CDKN2B-AS1: variants seen among roughly 807,000 people sequenced by gnomAD.
CDKN2B-AS1 encodes the protein CDKN2B antisense RNA 1 (non-protein coding).
intron 4 of CDKN2B-AS1, among the ~76,000 whole-genome samples, chr9:22,117,041 G>C (rs1399788946): frequency 1.3e-5 from 2 of 152,118 alleles, no homozygotes; most frequent in Non-Finnish European, 2.9e-5. Flanking sequence ...TTCTAATAAT[G>C]AACAAAAAGC....
chr9:22,106,552 T>C (rs1345048813), intron 4 of CDKN2B-AS1, among the ~76,000 whole-genome samples: 1 of 152,164 alleles, frequency 6.6e-6, no homozygotes, highest in East Asian at 1.9e-4. Flanking sequence ...GCTTTCTTAT[T>C]TGTAAAATGA....
At chr9:22,085,079 T>C (rs1824822916) in intron 4 of CDKN2B-AS1, among the ~76,000 whole-genome samples, 1 of 152,204 alleles carries the variant, frequency 6.6e-6, no homozygotes, top group Non-Finnish European at 1.5e-5. Context: ...GGTAACATTC[T>C]CATAGCTTTG....
intron 4 of CDKN2B-AS1, among the ~76,000 whole-genome samples, chr9:22,104,800 A>G (rs1825604016): frequency 6.6e-6 from 1 of 152,194 alleles, no homozygotes. Flanking sequence ...TTTAGAGGAG[A>G]AAATGGAAGA....
At chr9:22,016,151 T>C (rs1189196130) in intron 1 of CDKN2B-AS1, among the ~76,000 whole-genome samples, 1 of 152,194 alleles carries the variant, frequency 6.6e-6, no homozygotes, top group African/African-American at 2.4e-5. Context: ...TTTGGTGTTT[T>C]AGACATGAAG....
chr9:22,094,662 G>A lies in CDKN2B-AS1; in HGVS notation n.439-32441G>A, dbSNP rs201294680. Among the ~76,000 whole-genome samples, 3 of 144,264 alleles carry A rather than the reference G, an allele frequency of 2.1e-5. 1 individual carries two copies. Among genetic ancestry groups the A allele is most frequent in the African/African-American group, 5.8e-5 (2 of 34,582 alleles). The allele number at this position is 144,264 out of a possible 152,430, so 94.6% of individuals were successfully genotyped here. On this transcript the variant is annotated intron_variant and non_coding_transcript_variant, in intron 4 of 4. Transcript: ENST00000650946. ...TTCTCGTGCCTTGGTTTTCAGCTCCGTCAGGTCCTTTAAAGACTTCTCTGC... is the reference window on the plus strand; with the variant it reads ...TTCTCGTGCCTTGGTTTTCAGCTCCATCAGGTCCTTTAAAGACTTCTCTGC...
At chr9:22,079,412 C>T (rs932271685) in intron 4 of CDKN2B-AS1, among the ~76,000 whole-genome samples, 1 of 150,688 alleles carries the variant, frequency 6.6e-6, no homozygotes, top group Non-Finnish European at 1.5e-5. Flanking sequence ...TGCTTGAATG[C>T]AGGAAGTGGA....
intron 4 of CDKN2B-AS1, among the ~76,000 whole-genome samples, chr9:22,079,381 G>A (rs1486289073): frequency 2.0e-5 from 3 of 152,034 alleles, no homozygotes; most frequent in South Asian, 2.1e-4. Flanking sequence ...CCGGCTACTC[G>A]GGAGGCTGAG....
At chr9:22,026,595 G>A (rs613312) in intron 1 of CDKN2B-AS1, among the ~76,000 whole-genome samples, 42,397 of 152,184 alleles carry the variant, frequency 0.28, 7,671 homozygotes, top group Non-Finnish European at 0.41. Context: ...CCTGTGAGGC[G>A]CTGTGGAAGT....
intron 4 of CDKN2B-AS1, among the ~76,000 whole-genome samples, chr9:22,124,483 C>A (rs144148319): frequency 6.6e-6 from 1 of 152,120 alleles, no homozygotes; most frequent in Non-Finnish European, 1.5e-5. Context: ...CGGTAAGCAG[C>A]GATGCAGAAT....
In CDKN2B-AS1 at chr9:22,001,894, C is replaced by G. The variant is rs1310610733; in HGVS notation, n.29+6733C>G. Among the ~76,000 whole-genome samples the G allele has an allele frequency of 6.6e-6, 1 of 152,104 alleles. No individual in the cohort carries two copies. The highest frequency in any genetic ancestry group is 1.5e-5 in the Non-Finnish European group (1 of 67,960). On this transcript the variant is annotated intron_variant and non_coding_transcript_variant, in intron 1 of 4. Transcript: ENST00000650946. This position sits in a 1 kb window ranked among gnomAD's most constrained non-coding sequence, Gnocchi z 4.2. ...GAATCTAGGTCTTCTATCTTCCAGT[C>G]AAGTCCTTGTTTCACTTTTCTTCAT...
At chr9:22,018,791 A>C (rs1005045801) in intron 1 of CDKN2B-AS1, among the ~76,000 whole-genome samples, 3 of 152,218 alleles carry the variant, frequency 2.0e-5, no homozygotes, top group African/African-American at 4.8e-5. Flanking sequence ...ATAATTAGCT[A>C]TCTGTAATAT....
At chr9:22,061,000 A>G (rs543740918) in intron 4 of CDKN2B-AS1, among the ~76,000 whole-genome samples, 1 of 152,322 alleles carries the variant, frequency 6.6e-6, no homozygotes, top group African/African-American at 2.4e-5. Flanking sequence ...GTAGGGACAC[A>G]GGCAAACCAT....
chr9:22,037,860 G>C (rs544631564), intron 1 of CDKN2B-AS1, among the ~76,000 whole-genome samples: 2 of 152,026 alleles, frequency 1.3e-5, no homozygotes, highest in African/African-American at 4.8e-5. Context: ...TGGTCACAGT[G>C]AATCTGGAAA....
At chr9:22,115,939 T>TA (rs1329543212) in intron 4 of CDKN2B-AS1, among the ~76,000 whole-genome samples, 1 of 152,242 alleles carries the variant, frequency 6.6e-6, no homozygotes, top group East Asian at 1.9e-4. Flanking sequence ...GACCATTTTT[T>TA]ACTCCTGTTC....
exon 5 of CDKN2B-AS1, among the ~76,000 whole-genome samples, chr9:22,127,960 A>G (rs999737731): frequency 6.6e-6 from 1 of 152,204 alleles, no homozygotes; most frequent in Non-Finnish European, 1.5e-5. Flanking sequence ...GGATGCTACA[A>G]CTGGTAAGCC....
At chr9:22,025,433 G>C (rs116729641) in intron 1 of CDKN2B-AS1, among the ~76,000 whole-genome samples, 7 of 152,106 alleles carry the variant, frequency 4.6e-5, no homozygotes, top group African/African-American at 1.7e-4. Context: ...TCAGTTGTCC[G>C]TGGCGGCTCT....
intron 1 of CDKN2B-AS1, among the ~76,000 whole-genome samples, chr9:22,012,936 C>T (rs562765961): frequency 8.5e-5 from 13 of 152,228 alleles, no homozygotes; most frequent in Admixed American, 5.2e-4. Context: ...TTTTAGTATC[C>T]GTATTAGTTT....
At chr9:22,083,715 G>A (rs1004492046) in intron 4 of CDKN2B-AS1, among the ~76,000 whole-genome samples, 3 of 152,162 alleles carry the variant, frequency 2.0e-5, no homozygotes, top group Non-Finnish European at 4.4e-5. Context: ...TGGCATCCAG[G>A]TTTCTGAATT....
intron 4 of CDKN2B-AS1, among the ~76,000 whole-genome samples, chr9:22,122,060 A>ATTTTT (rs35831924): frequency 6.9e-6 from 1 of 145,492 alleles, no homozygotes; most frequent in Non-Finnish European, 1.5e-5. Flanking sequence ...AGCATTTGTT[A>ATTTTT]TTTTTTTTTT....
Sources: gnomAD v4.1 joint callset for allele counts (sites outside exome capture counted in the v4.1 genomes callset) on GRCh38, gnomAD v4.1.1 for gene constraint, Gnocchi (gnomAD v3.1) non-coding constraint, MANE v1.5 for transcripts, NCBI Gene and HGNC (gene_info 2026-07-23, HGNC 2026-07-21) for gene names.